KIF13A: variants seen among roughly 807,000 people sequenced by gnomAD.
The protein encoded by KIF13A is kinesin family member 13A.
In KIF13A, 79 loss-of-function variants were observed where a neutral mutation model predicts 212.2. The ratio of observed to expected loss-of-function variants is 0.37; its 90% confidence interval spans 0.31 to 0.45. The LOEUF (loss-of-function observed/expected upper bound fraction) is 0.45. Ranked by LOEUF, KIF13A falls within the 20% of genes least tolerant of loss-of-function variation. The pLI, the probability that KIF13A is intolerant of heterozygous loss-of-function variation, is 1.00. For synonymous variants in KIF13A, 789 were observed against 808.6 expected, an observed-to-expected ratio of 0.98 and a Z score of 0.41; for missense variants, 1,901 against 2,209.0, an observed-to-expected ratio of 0.86 and a Z score of 2.79.
intron 2 of KIF13A, among the ~76,000 whole-genome samples, chr6:17,986,183 ATATTG>A (rs1781536672): frequency 6.6e-6 from 1 of 152,274 alleles, no homozygotes. Flanking sequence ...ATGAAAATTA[ATATTG>A]TAAACTCTCC....
chr6:17,764,704 G>C lies in KIF13A; in HGVS notation c.4824C>G (p.Thr1608=). The C allele has an allele frequency of 6.2e-7, 1 of 1,613,444 alleles. No individual in the cohort carries two copies. Among genetic ancestry groups the C allele is most frequent in the Non-Finnish European group, 8.5e-7 (1 of 1,179,648 alleles). ...TAGAAGGGACCACCATGTCAGACAG[G>C]GTGGCATTGGAGGCACTGTGGGAAA... ...GYFSHSASNA[T]LSDMVVPSSD... is the part of the protein sequence containing the mutation. Residue 1608 remains threonine (T), a synonymous_variant, in exon 39 of 39, where the codon ACC becomes ACG. Transcript: ENST00000259711. The surrounding 1 kb of genome is among the most constrained non-coding windows in gnomAD (Gnocchi z 5.1).
chr6:17,875,560 T>C (rs1027104852), intron 3 of KIF13A, among the ~76,000 whole-genome samples: 24 of 151,214 alleles, frequency 1.6e-4, no homozygotes, highest in African/African-American at 5.4e-4. Flanking sequence ...GTTCAAGCAA[T>C]TCTCCTGCCT....
intron 3 of KIF13A, among the ~76,000 whole-genome samples, chr6:17,876,026 T>C (rs1260743449): frequency 1.3e-5 from 2 of 152,188 alleles, no homozygotes; most frequent in African/African-American, 4.8e-5. Flanking sequence ...GTTTAACATT[T>C]TATTTCCCCA....
rs1055403369 is a variant in KIF13A, at chr6:17,825,173, T to C, written c.1786+595A>G. 5.3e-5 allele frequency among the ~76,000 whole-genome samples: 8 copies of C among 152,146 alleles called. No homozygotes were observed. Among genetic ancestry groups the C allele is most frequent in the South Asian group, 4.1e-4 (2 of 4,828 alleles). On this transcript the variant is annotated intron_variant, in intron 16 of 38. Transcript: ENST00000259711. The surrounding 1 kb of genome is among the most constrained non-coding windows in gnomAD (Gnocchi z 4.5). ...TTTATTTAATGCAGGCAGGTGTGTA[T>C]AGGCACAGAATAAGAAAGAAAAGGT...
chr6:17,932,890 T>C (rs368129136), intron 2 of KIF13A, among the ~76,000 whole-genome samples: 77 of 151,978 alleles, frequency 5.1e-4, no homozygotes, highest in East Asian at 2.1e-3. Context: ...AGTTCTGGAA[T>C]ACATCCCTTT....
intron 2 of KIF13A, among the ~76,000 whole-genome samples, chr6:17,974,705 G>A (rs1448335057): frequency 1.3e-5 from 2 of 152,142 alleles, no homozygotes; most frequent in Non-Finnish European, 2.9e-5. Context: ...GCCCAATTAA[G>A]TGAGAATCTC....
chr6:17,806,618 G>A (rs534381868), intron 18 of KIF13A, among the ~76,000 whole-genome samples: 2 of 152,300 alleles, frequency 1.3e-5, no homozygotes, highest in Non-Finnish European at 2.9e-5. Flanking sequence ...GGTGGCTCAT[G>A]CCTGTAATCC....
At chr6:17,766,490 A>C (rs1758998691) in intron 38 of KIF13A, among the ~76,000 whole-genome samples, 1 of 152,110 alleles carries the variant, frequency 6.6e-6, no homozygotes, top group Non-Finnish European at 1.5e-5. Context: ...TGCCCGTCTC[A>C]GCCTCCCAAA....
rs746506433 is a variant in KIF13A, at chr6:17,873,361, G to A, written c.220+16C>T. 2.5e-6 allele frequency: 4 copies of A among 1,574,256 alleles called. No individual in the cohort carries two copies. Among genetic ancestry groups the A allele is most frequent in the Non-Finnish European group, 3.5e-6 (4 of 1,153,296 alleles). ...GCCAGAAGCCCAACTGTCAGGTGTA[G>A]AGGGAGAAAACTTACCAGCGTATTT... On this transcript the variant is annotated intron_variant, in intron 4 of 38. Transcript: ENST00000259711.
At chr6:17,821,552 G>GTGTGTGTGTGTGTGTGTGTGT (rs1554172080) in intron 16 of KIF13A, among the ~76,000 whole-genome samples, 64 of 112,094 alleles carry the variant, frequency 5.7e-4, no homozygotes, top group African/African-American at 1.9e-3. Context: ...ATTGGGACAT[G>GTGTGTGTGTGTGTGTGTGTGT]GTGTGTGTGT....
chr6:17,847,393 C>G (rs1272492348), intron 9 of KIF13A, among the ~76,000 whole-genome samples: 2 of 152,188 alleles, frequency 1.3e-5, no homozygotes, highest in African/African-American at 4.8e-5. Context: ...GAGCAGGAGA[C>G]AGAATGACTG....
chr6:17,843,269 G>A lies in KIF13A; in HGVS notation c.831-5686C>T, dbSNP rs745194. ...TCTGTTTAAAAAGGACTAATTCAAT[G>A]ATGGTTTTGGGATACATCGAGTGCT... On this transcript the variant is annotated intron_variant, in intron 9 of 38. Transcript: ENST00000259711. The surrounding 1 kb of genome is among the most constrained non-coding windows in gnomAD (Gnocchi z 5.3). Among the ~76,000 whole-genome samples, 1 of 152,128 alleles carries A rather than the reference G, an allele frequency of 6.6e-6. No individual in the cohort carries two copies. The highest frequency in any genetic ancestry group is 6.6e-5 in the Admixed American group (1 of 15,266).
rs1355838678 is a variant in KIF13A, at chr6:17,856,461, T to C, written c.221-339A>G. Among the ~76,000 whole-genome samples the C allele has an allele frequency of 5.3e-5, 8 of 152,240 alleles. No individual in the cohort carries two copies. Among genetic ancestry groups the C allele is most frequent in the Admixed American group, 5.2e-4 (8 of 15,278 alleles). On this transcript the variant is annotated intron_variant, in intron 4 of 38. Transcript: ENST00000259711. This position sits in a 1 kb window ranked among gnomAD's most constrained non-coding sequence, Gnocchi z 4.5. Reference sequence around the variant, plus strand: ...CAATGTCATTAAACATGAATTGCCTTATCTCCCCAGCTAGATTCTGAACTG... The same window carrying C: ...CAATGTCATTAAACATGAATTGCCTCATCTCCCCAGCTAGATTCTGAACTG...
intron 22 of KIF13A, among the ~76,000 whole-genome samples, chr6:17,797,904 T>C (rs191059214): frequency 6.6e-6 from 1 of 151,928 alleles, no homozygotes; most frequent in Non-Finnish European, 1.5e-5. Flanking sequence ...TCTTTAAAAA[T>C]AAAAACAAAC....
At chr6:17,944,653 C>T (rs1777231152) in intron 2 of KIF13A, among the ~76,000 whole-genome samples, 1 of 151,974 alleles carries the variant, frequency 6.6e-6, no homozygotes, top group African/African-American at 2.4e-5. Context: ...AAAACAGAAA[C>T]AAAAAACACG....
chr6:17,805,507 G>A lies in KIF13A; in HGVS notation c.2272C>T (p.Leu758Phe), dbSNP rs755300488. The A allele has an allele frequency of 6.1e-5, 98 of 1,613,280 alleles. No individual in the cohort carries two copies. Among genetic ancestry groups the A allele is most frequent in the Non-Finnish European group, 8.1e-5 (95 of 1,179,752 alleles). ...ACTTTTTCCTTCCATTCTTGGTAAAGGTCTCTCATGTCAATTAATTTATTC... is the reference window on the plus strand; with the variant it reads ...ACTTTTTCCTTCCATTCTTGGTAAAAGTCTCTCATGTCAATTAATTTATTC... ...LENKLIDMRD[L>F]YQEWKEKVPE... Residue 758 changes from leucine (L) to phenylalanine (F), a missense_variant, in exon 19 of 39, where the codon CTT becomes TTT. Leu to Phe is a conservative substitution (Grantham distance 22). Coordinates refer to ENST00000259711, the MANE Select transcript of KIF13A (RefSeq NM_022113.6).
At chr6:17,960,979 A>C (rs567451191) in intron 2 of KIF13A, among the ~76,000 whole-genome samples, 28 of 152,354 alleles carry the variant, frequency 1.8e-4, no homozygotes, top group African/African-American at 5.8e-4. Context: ...GCCTCCTTTC[A>C]AGAAGCGTAG....
In KIF13A at chr6:17,899,631, C is replaced by T. The variant is rs1220863225; in HGVS notation, c.147-1451G>A. 1.3e-5 allele frequency among the ~76,000 whole-genome samples: 2 copies of T among 152,254 alleles called. No homozygotes were observed. The highest frequency in any genetic ancestry group is 2.1e-4 in the South Asian group (1 of 4,822). On this transcript the variant is annotated intron_variant, in intron 2 of 38. Transcript: ENST00000259711. The surrounding 1 kb of genome is among the most constrained non-coding windows in gnomAD (Gnocchi z 5.2). ...GAAACACCATTTTCTTGAAATTCCACGAATTAGTTGAAAGGGAATGAGCCC... is the reference window on the plus strand; with the variant it reads ...GAAACACCATTTTCTTGAAATTCCATGAATTAGTTGAAAGGGAATGAGCCC...
intron 4 of KIF13A, among the ~76,000 whole-genome samples, chr6:17,857,504 C>T (rs1164706879): frequency 4.6e-5 from 7 of 152,104 alleles, no homozygotes; most frequent in East Asian, 1.9e-4. Flanking sequence ...CTAAGTTTCC[C>T]GAGGCCTCCC....
Sources: allele counts gnomAD v4.1 joint callset (sites outside exome capture counted in the v4.1 genomes callset), GRCh38; gene constraint gnomAD v4.1.1; non-coding constraint Gnocchi (gnomAD v3.1); transcripts MANE v1.5; gene names NCBI Gene and HGNC (gene_info 2026-07-23, HGNC 2026-07-21).